SEM1: variants seen among roughly 807,000 people sequenced by gnomAD.
The protein encoded by SEM1 is SEM1 26S proteasome subunit, also known as 26S proteasome complex subunit SEM1.
Under a neutral mutation model 12.7 loss-of-function variants are expected in SEM1, and 3 were observed. The observed-to-expected ratio is 0.24, with a 90% CI of 0.11 to 0.61. The LOEUF (loss-of-function observed/expected upper bound fraction) is 0.61. Among genes scored for constraint, SEM1 ranks in the 20% least tolerant of loss-of-function variants. The pLI is 0.88. For missense variants in SEM1, 59 were observed against 81.3 expected, an observed-to-expected ratio of 0.73 and a Z score of 1.06; for synonymous variants, 30 against 27.8, an observed-to-expected ratio of 1.08 and a Z score of -0.25.
At chr7:96,523,315 A>G (rs1804344204) in intron 2 of SEM1, among the ~76,000 whole-genome samples, 1 of 152,132 alleles carries the variant, frequency 6.6e-6, no homozygotes, top group Non-Finnish European at 1.5e-5. Context: ...TGACGAGAGT[A>G]TATATGGTGT....
At chr7:96,561,140 C>G (rs1287042083) in intron 2 of SEM1, among the ~76,000 whole-genome samples, 1 of 152,046 alleles carries the variant, frequency 6.6e-6, no homozygotes. Context: ...ACCCCTCTTA[C>G]CATTACTCTT....
exon 2 of SEM1, chr7:96,486,222 C>T: frequency 3.3e-6 from 5 of 1,535,570 alleles, no homozygotes; most frequent in Non-Finnish European, 3.5e-6. Flanking sequence ...CAGGCTAACT[C>T]TGTTGTCGCT....
At chr7:96,661,007 G>C (rs960607642) in intron 2 of SEM1, among the ~76,000 whole-genome samples, 1 of 152,104 alleles carries the variant, frequency 6.6e-6, no homozygotes, top group Non-Finnish European at 1.5e-5. Flanking sequence ...AAACATTTAC[G>C]TGATTCTTAA....
At chr7:96,607,370 G>A (rs554183647) in intron 2 of SEM1, among the ~76,000 whole-genome samples, 1 of 152,248 alleles carries the variant, frequency 6.6e-6, no homozygotes, top group East Asian at 1.9e-4. Flanking sequence ...AAATTGGAAG[G>A]GAACCACTTT....
intron 2 of SEM1, among the ~76,000 whole-genome samples, chr7:96,536,164 C>A (rs1353007097): frequency 6.6e-6 from 1 of 151,806 alleles, no homozygotes; most frequent in East Asian, 1.9e-4. Flanking sequence ...TAAAATTCCT[C>A]TTGAGACTTC....
At chr7:96,527,084 A>C (rs1804488664) in intron 2 of SEM1, among the ~76,000 whole-genome samples, 1 of 152,070 alleles carries the variant, frequency 6.6e-6, no homozygotes, top group Admixed American at 6.6e-5. Flanking sequence ...AAGAAAGTTA[A>C]CTCAGGTTGG....
At chr7:96,557,962 T>C (rs1022766653) in intron 2 of SEM1, among the ~76,000 whole-genome samples, 5 of 152,146 alleles carry the variant, frequency 3.3e-5, no homozygotes, top group Admixed American at 6.5e-5. Flanking sequence ...TTCCAGGTGC[T>C]GTCCATCACC....
chr7:96,504,223 G>A (rs1274053230), intron 3 of SEM1, among the ~76,000 whole-genome samples: 1 of 152,000 alleles, frequency 6.6e-6, no homozygotes, highest in Non-Finnish European at 1.5e-5. Flanking sequence ...ACAGTTTCTG[G>A]AATTTATTTT....
chr7:96,687,213 T>C (rs951190369), downstream of SEM1, among the ~76,000 whole-genome samples: 18 of 152,298 alleles, frequency 1.2e-4, no homozygotes, highest in African/African-American at 4.1e-4. Flanking sequence ...TCAACCATTG[T>C]GGAAGTCAGT....
At chr7:96,641,410 G>A (rs181728220) in intron 2 of SEM1, among the ~76,000 whole-genome samples, 2 of 151,938 alleles carry the variant, frequency 1.3e-5, no homozygotes, top group Admixed American at 1.3e-4. Context: ...AACTTCTTGA[G>A]TTTAGTGCTT....
intron 3 of SEM1, among the ~76,000 whole-genome samples, chr7:96,502,866 A>G (rs1395979657): frequency 2.0e-5 from 3 of 152,208 alleles, no homozygotes; most frequent in African/African-American, 7.2e-5. Flanking sequence ...CAAGTTATGC[A>G]ACTTCACCAT....
intron 2 of SEM1, among the ~76,000 whole-genome samples, chr7:96,544,603 G>A (rs1272511589): frequency 6.6e-6 from 1 of 151,900 alleles, no homozygotes; most frequent in Non-Finnish European, 1.5e-5. Flanking sequence ...TAGGAGTACT[G>A]ACCTACCTTG....
intron 2 of SEM1, among the ~76,000 whole-genome samples, chr7:96,510,133 C>T (rs533541071): frequency 1.4e-4 from 21 of 152,184 alleles, no homozygotes; most frequent in South Asian, 4.2e-4. Context: ...CTATTGTATA[C>T]GCCCTTGGGT....
chr7:96,581,292 G>A (rs145674691), intron 2 of SEM1, among the ~76,000 whole-genome samples: 23,407 of 151,840 alleles, frequency 0.15, 2,029 homozygotes, highest in African/African-American at 0.24. Context: ...GATATGCGGC[G>A]TTATTTCTGA....
At chr7:96,635,333 T>C (rs2140741) in intron 2 of SEM1, among the ~76,000 whole-genome samples, 123,505 of 152,024 alleles carry the variant, frequency 0.81, 53,007 homozygotes, top group East Asian at 1. Flanking sequence ...CAGTAACCTA[T>C]AGAAATCTGG....
chr7:96,604,676 T>C (rs1807291765), intron 2 of SEM1, among the ~76,000 whole-genome samples: 1 of 151,942 alleles, frequency 6.6e-6, no homozygotes, highest in Admixed American at 6.6e-5. Flanking sequence ...CCCAGCACTT[T>C]TGGAGGCTGA....
intron 2 of SEM1, among the ~76,000 whole-genome samples, chr7:96,516,709 G>A (rs1445226151): frequency 1.3e-5 from 2 of 152,078 alleles, no homozygotes; most frequent in Non-Finnish European, 2.9e-5. Flanking sequence ...TCTTACCATA[G>A]GATCCAGTAA....
At chr7:96,687,132 A>C (rs998884223), downstream of SEM1, among the ~76,000 whole-genome samples, 10 of 152,144 alleles carry the variant, frequency 6.6e-5, no homozygotes, top group African/African-American at 2.4e-4. Flanking sequence ...AAAGTCAGGA[A>C]ACAACAGGTG....
At chr7:96,585,129 T>G (rs1446977469) in intron 2 of SEM1, among the ~76,000 whole-genome samples, 1 of 152,208 alleles carries the variant, frequency 6.6e-6, no homozygotes, top group Non-Finnish European at 1.5e-5. Context: ...ATGATGGTGA[T>G]GTACAGATGG....
Sources: allele counts gnomAD v4.1 joint callset (sites outside exome capture counted in the v4.1 genomes callset), GRCh38; gene constraint gnomAD v4.1.1; transcripts MANE v1.5; gene names NCBI Gene and HGNC (gene_info 2026-07-23, HGNC 2026-07-21).